Variants in SCAF8 observed in about 807,000 individuals in gnomAD.
The protein encoded by SCAF8 is SR-related and CTD-associated factor 8.
A neutral mutation model predicts 140.5 loss-of-function variants in SCAF8; 23 were observed. The ratio of observed to expected loss-of-function variants is 0.16; its 90% confidence interval spans 0.12 to 0.23. The LOEUF (loss-of-function observed/expected upper bound fraction) is 0.23, where lower values mean the gene tolerates loss of function less well. SCAF8 is among the 10% of genes least tolerant of loss of function. The pLI is 1.00. For synonymous variants in SCAF8, 575 were observed against 528.9 expected (o/e 1.09, Z -1.20); for missense variants, 1,397 against 1,555.7 (o/e 0.90, Z 1.72).
intron 6 of SCAF8, among the ~76,000 whole-genome samples, chr6:154,795,849 T>C (rs1461127820): frequency 6.6e-6 from 1 of 152,222 alleles, no homozygotes; most frequent in Non-Finnish European, 1.5e-5. Context: ...ATACATATAC[T>C]TTTATTGTTC....
At chr6:154,784,120 G>GATATATATAT (rs72135986) in intron 3 of SCAF8, among the ~76,000 whole-genome samples, 245 of 106,730 alleles carry the variant, frequency 2.3e-3, no homozygotes, top group African/African-American at 3.8e-3. Context: ...GGTGTCTTGA[G>GATATATATAT]ATATATATAT....
At chr6:154,792,479 A>G (rs1777451794) in intron 4 of SCAF8, among the ~76,000 whole-genome samples, 1 of 152,196 alleles carries the variant, frequency 6.6e-6, no homozygotes, top group South Asian at 2.1e-4. Context: ...TAGTACTGAG[A>G]TGAATCCTGG....
At chr6:154,736,117 G>A (rs1778410741) in intron 1 of SCAF8, among the ~76,000 whole-genome samples, 1 of 151,984 alleles carries the variant, frequency 6.6e-6, no homozygotes, top group South Asian at 2.1e-4. Context: ...GAGCCACCAC[G>A]CCTGGGGGAT....
chr6:154,797,205 G>A (rs931073644), intron 6 of SCAF8, among the ~76,000 whole-genome samples: 1 of 144,670 alleles, frequency 6.9e-6, no homozygotes, highest in Non-Finnish European at 1.6e-5. Context: ...ATCTGACTTT[G>A]TGTTGTGTTT....
At chr6:154,782,886 A>G (rs751133303) in intron 3 of SCAF8, among the ~76,000 whole-genome samples, 22 of 152,094 alleles carry the variant, frequency 1.4e-4, no homozygotes, top group Admixed American at 6.6e-4. Flanking sequence ...AGGTGGGTCT[A>G]CCTTCCCCTG....
chr6:154,771,838 C>T (rs1035865660), intron 1 of SCAF8, among the ~76,000 whole-genome samples: 2 of 152,026 alleles, frequency 1.3e-5, no homozygotes, highest in Admixed American at 6.6e-5. Flanking sequence ...CAAAATACAC[C>T]CAGTGACAAA....
intron 18 of SCAF8, among the ~76,000 whole-genome samples, chr6:154,827,830 G>T (rs988647458): frequency 7.9e-6 from 1 of 127,302 alleles, no homozygotes; most frequent in South Asian, 2.6e-4. Context: ...TTTTTGGGGC[G>T]GGGCGGGGGG....
intron 1 of SCAF8, among the ~76,000 whole-genome samples, chr6:154,740,303 T>C (rs1476107795): frequency 6.6e-6 from 1 of 152,290 alleles, no homozygotes; most frequent in Admixed American, 6.5e-5. Flanking sequence ...CTGGCCTCTA[T>C]GCATTAGATG....
chr6:154,767,222 TC>T (rs1776601728), intron 1 of SCAF8, among the ~76,000 whole-genome samples: 1 of 152,200 alleles, frequency 6.6e-6, no homozygotes, highest in Admixed American at 6.5e-5. Flanking sequence ...TTCTGTCTTT[TC>T]CTATCAAGGC....
chr6:154,832,573 A>G lies in SCAF8; in HGVS notation c.2994A>G (p.Glu998=). 2 of 1,614,166 alleles carry G rather than the reference A, an allele frequency of 1.2e-6. No individual in the cohort carries two copies. The highest frequency in any genetic ancestry group is 1.7e-6 in the Non-Finnish European group (2 of 1,180,018). ...RQSVDNVTNP[E]KRIPLGNDNI... is the part of the protein sequence containing the mutation. ...GCGTAGACAATGTTACTAACCCAGA[A>G]AAAAGGATACCACTTGGGAATGATA... is the stretch of plus-strand genomic sequence containing the variant. Residue 998 remains glutamate, a synonymous_variant, in exon 20 of 20, where the codon GAA becomes GAG. Transcript: ENST00000367178.
intron 1 of SCAF8, among the ~76,000 whole-genome samples, chr6:154,753,382 G>A (rs142649854): frequency 0.017 from 2,545 of 151,698 alleles, 26 homozygotes; most frequent in Non-Finnish European, 0.023. Flanking sequence ...CAGGAGAATC[G>A]CTTGAACCTG....
Position 154,803,642 on chromosome 6 carries a change from T to C in SCAF8, c.863+19T>C. On this transcript the variant is annotated intron_variant, in intron 8 of 19. Transcript: ENST00000367178. ...CACAACTGTAAGAATTTTTTCTTTA[T>C]AGCCATAGTTTTTTTATATTTAGTG... 1.3e-6 allele frequency: 2 copies of C among 1,512,438 alleles called. No individual in the cohort carries two copies. Among genetic ancestry groups the C allele is most frequent in the Non-Finnish European group, 1.8e-6 (2 of 1,092,928 alleles). The allele number at this position is 1,512,438 out of a possible 1,614,324, so 93.7% of individuals were successfully genotyped here.
At chr6:154,830,806 T>C (rs910746303) in intron 18 of SCAF8, 116 bp from the exon 19 acceptor site, 2 of 660,950 alleles carry the variant, frequency 3.0e-6, no homozygotes, top group African/African-American at 1.8e-5. Context: ...TTGGTTATTA[T>C]ATAATGTGCT....
At chr6:154,735,133 A>G (rs1465942806) in intron 1 of SCAF8, among the ~76,000 whole-genome samples, 4 of 152,008 alleles carry the variant, frequency 2.6e-5, no homozygotes, top group East Asian at 1.9e-4. Flanking sequence ...ACAAAAAAAA[A>G]AAAAAGAAAA....
intron 1 of SCAF8, among the ~76,000 whole-genome samples, chr6:154,760,771 C>G (rs1349865275): frequency 6.6e-6 from 1 of 151,820 alleles, no homozygotes; most frequent in South Asian, 2.1e-4. Flanking sequence ...CAAAAAAGTT[C>G]TAAGAATTTT....
intron 1 of SCAF8, among the ~76,000 whole-genome samples, chr6:154,763,529 G>A (rs1198618928): frequency 6.6e-6 from 1 of 152,032 alleles, no homozygotes; most frequent in Admixed American, 6.6e-5. Context: ...GCTGTTTGTT[G>A]GGCCCTTTAA....
intron 1 of SCAF8, among the ~76,000 whole-genome samples, chr6:154,771,885 G>GT (rs1188086668): frequency 6.6e-6 from 1 of 151,894 alleles, no homozygotes; most frequent in African/African-American, 2.4e-5. Context: ...AATAGAAGTT[G>GT]GGGGGGAAAA....
intron 12 of SCAF8, among the ~76,000 whole-genome samples, chr6:154,813,057 T>C (rs62432783): frequency 6.9e-6 from 1 of 144,262 alleles, no homozygotes. Flanking sequence ...AAAAAAAAAT[T>C]AGTTCGGCAA....
intron 8 of SCAF8, 81 bp downstream of exon 8, chr6:154,803,704 AGTTGGGATTATTAT>A: frequency 1.2e-6 from 1 of 817,236 alleles, no homozygotes; most frequent in Non-Finnish European, 2.0e-6. Context: ...ATACTTAGTA[AGTTGGGATTATTAT>A]TTCAAGCTGT....
Sources: allele counts gnomAD v4.1 joint callset (sites outside exome capture counted in the v4.1 genomes callset), GRCh38; gene constraint gnomAD v4.1.1; transcripts MANE v1.5; gene names NCBI Gene and HGNC (gene_info 2026-07-23, HGNC 2026-07-21).